The following PITPNM3 variants were observed in gnomAD, a reference collection of about 807,000 sequenced individuals.
The protein encoded by PITPNM3 is PITPNM family member 3.
A neutral mutation model predicts 102.0 loss-of-function variants in PITPNM3; 26 were observed. The ratio of observed to expected loss-of-function variants is 0.25; its 90% CI spans 0.19 to 0.35. The LOEUF (loss-of-function observed/expected upper bound fraction) is 0.35. Ranked by LOEUF, PITPNM3 falls within the 10% of genes least tolerant of loss-of-function variation. The pLI is 1.00. For synonymous variants in PITPNM3, 578 were observed against 558.6 expected (o/e 1.03, Z -0.49); for missense variants, 1,083 against 1,346.1 (o/e 0.80, Z 3.06).
intron 3 of PITPNM3, among the ~76,000 whole-genome samples, chr17:6,511,922 G>A (rs1907887389): frequency 6.6e-6 from 1 of 152,176 alleles, no homozygotes; most frequent in Admixed American, 6.5e-5. Context: ...TCCAGCCTGG[G>A]CGACAGAGCG....
intron 3 of PITPNM3, among the ~76,000 whole-genome samples, chr17:6,509,931 C>T (rs915910022): frequency 1.3e-5 from 2 of 152,136 alleles, no homozygotes; most frequent in Non-Finnish European, 2.9e-5. Flanking sequence ...CCAGCTTTTC[C>T]ACCCCTGCCT....
In PITPNM3 at chr17:6,459,014, G is replaced by C. The variant is rs991088439; in HGVS notation, c.2491-1292C>G. ...CAGCCCACTGCCCCTCACCTCAATGGTTGGTTTATTCCCAACTGGCCTTTG... is the reference window on the plus strand; with the variant it reads ...CAGCCCACTGCCCCTCACCTCAATGCTTGGTTTATTCCCAACTGGCCTTTG... On this transcript the variant is annotated intron_variant, in intron 18 of 19. Coordinates refer to ENST00000262483, the MANE Select transcript of PITPNM3 (RefSeq NM_031220.4). This position sits in a 1 kb window ranked among gnomAD's most constrained non-coding sequence, Gnocchi z 5.0. Among the ~76,000 whole-genome samples the C allele has an allele frequency of 2.0e-5, 3 of 152,134 alleles. No homozygotes were observed. Among genetic ancestry groups the C allele is most frequent in the Non-Finnish European group, 4.4e-5 (3 of 68,022 alleles).
intron 10 of PITPNM3, chr17:6,473,213 A>G: frequency 3.0e-6 from 1 of 332,202 alleles, no homozygotes; most frequent in Non-Finnish European, 5.8e-6. Flanking sequence ...AGGTTCCTTC[A>G]GGCAGGTCAG....
Position 6,470,232 on chromosome 17 carries a change from G to A in PITPNM3, c.1773+28C>T, listed in dbSNP as rs578088494. 2 of 1,577,266 alleles carry A rather than the reference G, an allele frequency of 1.3e-6. No individual in the cohort carries two copies. On this transcript the variant is annotated intron_variant, in intron 13 of 19. Coordinates refer to ENST00000262483, the MANE Select transcript of PITPNM3 (RefSeq NM_031220.4). This position sits in a 1 kb window ranked among gnomAD's most constrained non-coding sequence, Gnocchi z 4.8. ...GCGGTACCCCCTTGGGGTGGCTGTG[G>A]GCAGGCCCGCGACTGCGGCAGCAGT...
At chr17:6,482,066 G>GTCTC (rs146498369) in intron 6 of PITPNM3, among the ~76,000 whole-genome samples, 1 of 47,824 alleles carries the variant, frequency 2.1e-5, no homozygotes, top group South Asian at 8.2e-4. Flanking sequence ...CTCTCTCTCT[G>GTCTC]TCTCTCTCTC....
At chr17:6,545,645 C>A (rs925789449) in intron 1 of PITPNM3, among the ~76,000 whole-genome samples, 2 of 152,188 alleles carry the variant, frequency 1.3e-5, no homozygotes, top group Non-Finnish European at 2.9e-5. Flanking sequence ...TCCTGCAGGT[C>A]CTGATGCCTG....
intron 1 of PITPNM3, among the ~76,000 whole-genome samples, chr17:6,542,432 A>G (rs1909780007): frequency 6.6e-6 from 1 of 151,950 alleles, no homozygotes; most frequent in Admixed American, 6.6e-5. Context: ...ATGCATGCAC[A>G]CTCCCATAAT....
intron 1 of PITPNM3, among the ~76,000 whole-genome samples, chr17:6,544,402 T>C (rs1909896345): frequency 6.6e-6 from 1 of 152,184 alleles, no homozygotes; most frequent in Non-Finnish European, 1.5e-5. Context: ...CAGGGTAGCA[T>C]GTGCCTATAG....
At chr17:6,496,282 C>T (rs1465066557) in intron 4 of PITPNM3, among the ~76,000 whole-genome samples, 3 of 152,130 alleles carry the variant, frequency 2.0e-5, no homozygotes, top group African/African-American at 7.2e-5. Context: ...CCCATCACCT[C>T]CTCCCACACC....
At chr17:6,503,484 T>C (rs1322750632) in intron 4 of PITPNM3, 43 bp downstream of exon 4, 1 of 1,603,958 alleles carries the variant, frequency 6.2e-7, no homozygotes, top group Non-Finnish European at 8.5e-7. Context: ...CTTGCACCCA[T>C]CCAAGGGGAA....
chr17:6,546,186 T>A (rs565279331), intron 1 of PITPNM3, among the ~76,000 whole-genome samples: 1 of 152,220 alleles, frequency 6.6e-6, no homozygotes, highest in Admixed American at 6.5e-5. Context: ...TTGGTTGCTA[T>A]AGAAACATGT....
At chr17:6,536,780 G>A (rs545982175) in intron 2 of PITPNM3, among the ~76,000 whole-genome samples, 4 of 152,310 alleles carry the variant, frequency 2.6e-5, no homozygotes, top group African/African-American at 9.6e-5. Context: ...CCAAGACCCC[G>A]TTTGCCAAGC....
Position 6,461,361 on chromosome 17 carries a change from A to T in PITPNM3, c.2490+12T>A. The T allele has an allele frequency of 6.2e-7, 1 of 1,613,430 alleles. No homozygotes were observed. The highest frequency in any genetic ancestry group is 1.7e-4 in the Middle Eastern group (1 of 6,058). Reference sequence around the variant, plus strand: ...CAAGCCATGGAGTCCCCACCCCAGGATGGCCACTCACCTCCTGCATGAGGT... The same window carrying T: ...CAAGCCATGGAGTCCCCACCCCAGGTTGGCCACTCACCTCCTGCATGAGGT... On this transcript the variant is annotated intron_variant, in intron 18 of 19. Transcript: ENST00000262483.
rs928746254 is a variant in PITPNM3 at position 6,556,284 on chromosome 17, C to T, written c.22+101G>A. ...CCCCTACGCCCTCCCGGGACCTCCG[C>T]CCACCTGCGCGAGGGGTTCACCTGG... On this transcript the variant is annotated intron_variant, in intron 1 of 19. Coordinates refer to ENST00000262483, the MANE Select transcript of PITPNM3 (RefSeq NM_031220.4). The surrounding 1 kb of genome is among the most constrained non-coding windows in gnomAD (Gnocchi z 5.2). 4.7e-6 allele frequency: 5 copies of T among 1,072,476 alleles called. No individual in the cohort carries two copies. The highest frequency in any genetic ancestry group is 1.9e-5 in the South Asian group (1 of 53,310). 66.4% of individuals were successfully genotyped at this position (1,072,476 alleles called of 1,614,324 possible).
In PITPNM3 at chr17:6,517,634, A is replaced by G. The variant is rs1292255267; in HGVS notation, c.226+7722T>C. Among the ~76,000 whole-genome samples, 1 of 151,926 alleles carries G rather than the reference A, an allele frequency of 6.6e-6. No individual in the cohort carries two copies. The highest frequency in any genetic ancestry group is 1.5e-5 in the Non-Finnish European group (1 of 68,000). On this transcript the variant is annotated intron_variant, in intron 3 of 19. Transcript: ENST00000262483. The surrounding 1 kb of genome is among the most constrained non-coding windows in gnomAD (Gnocchi z 4.1). Reference sequence around the variant, plus strand: ...GGTTGCAGTGGAGCAAGCATGGCTCACTGCAGCCTTAACCTCCTGGGTTCA... The same window carrying G: ...GGTTGCAGTGGAGCAAGCATGGCTCGCTGCAGCCTTAACCTCCTGGGTTCA...
At chr17:6,523,717 G>A (rs774935991) in intron 3 of PITPNM3, among the ~76,000 whole-genome samples, 2 of 152,224 alleles carry the variant, frequency 1.3e-5, no homozygotes, top group Non-Finnish European at 2.9e-5. Context: ...TGGGATGAAG[G>A]AAAGAGCAGC....
intron 6 of PITPNM3, among the ~76,000 whole-genome samples, chr17:6,482,030 C>T (rs1567670278): frequency 2.3e-5 from 2 of 86,580 alleles, no homozygotes; most frequent in Admixed American, 1.2e-4. Flanking sequence ...CTCTCTCTCT[C>T]TCTCTGTCTG....
Position 6,474,433 on chromosome 17 carries a change from G to A in PITPNM3, c.1257C>T (p.Asp419=), listed in dbSNP as rs199601381. 3.5e-5 allele frequency: 56 copies of A among 1,613,138 alleles called. No homozygotes were observed. The Admixed American group carries it at 4.3e-4, about 12-fold the overall frequency. ...GGCCCCAGCCCACACCATCCCTACC[G>A]TCCAGCCCAGGCAGCACCGTCCTCC... is the stretch of plus-strand genomic sequence containing the variant. The part of the protein sequence containing the change: ...AMRRTVLPGL[D]GFQVRPACSQ... The change falls in exon 10 of 20, where the codon GAC becomes GAT. Residue 419 remains aspartate (D), a splice_region_variant and synonymous_variant. Transcript: ENST00000262483.
rs552716506 is a variant in PITPNM3, at chr17:6,551,856, C to T, written c.22+4529G>A. Among the ~76,000 whole-genome samples the T allele has an allele frequency of 5.3e-5, 8 of 152,202 alleles. No individual in the cohort carries two copies. The South Asian group carries it at 1.5e-3, about 28-fold the overall frequency. ...ACAGAGTAAGGGGCCCAGGAGAAGTCTCGCTTTGGGAGGATGTGAGAGCAC... is the reference window on the plus strand; with the variant it reads ...ACAGAGTAAGGGGCCCAGGAGAAGTTTCGCTTTGGGAGGATGTGAGAGCAC... On this transcript the variant is annotated intron_variant, in intron 1 of 19. Coordinates refer to ENST00000262483, the MANE Select transcript of PITPNM3 (RefSeq NM_031220.4).
Sources: allele counts gnomAD v4.1 joint callset (sites outside exome capture counted in the v4.1 genomes callset), GRCh38; gene constraint gnomAD v4.1.1; non-coding constraint Gnocchi (gnomAD v3.1); transcripts MANE v1.5; gene names NCBI Gene and HGNC (gene_info 2026-07-23, HGNC 2026-07-21).